Variants in PRTN3 observed in about 807,000 individuals in gnomAD.
PRTN3 encodes proteinase 3, also known as myeloblastin.
In PRTN3, 22 loss-of-function variants were observed where a neutral mutation model predicts 20.7. The ratio of observed to expected loss-of-function variants is 1.06; its 90% CI spans 0.76 to 1.52. The LOEUF is 1.52. Ranked by LOEUF, PRTN3 falls within the 40% of genes most tolerant of loss-of-function variation. The pLI is 0.00. For synonymous variants in PRTN3, 173 were observed against 152.9 expected, an observed-to-expected ratio of 1.13 and a Z score of -0.97; for missense variants, 378 against 359.6, an observed-to-expected ratio of 1.05 and a Z score of -0.41.
chr19:846,352 C>T lies in PRTN3; in HGVS notation c.575C>T (p.Pro192Leu). 4 of 1,566,002 alleles carry T rather than the reference C, an allele frequency of 2.6e-6. No individual in the cohort carries two copies. The highest frequency in any genetic ancestry group is 3.5e-6 in the Non-Finnish European group (4 of 1,156,482). ...CCACATAACATTTGCACTTTCGTCC[C>T]TCGCCGCAAGGCCGGCATCTGCTTC... ...CRPHNICTFV[P>L]RRKAGICFGD... is the part of the protein sequence containing the mutation. Residue 192 changes from proline to leucine, a missense_variant, in exon 4 of 5, where the codon CCT becomes CTT. By Grantham distance (98) the Pro-to-Leu change is moderately conservative. Transcript: ENST00000234347.
At chr19:846,477 T>C in intron 4 of PRTN3, 100 bp downstream of exon 4, 1 of 1,212,748 alleles carries the variant, frequency 8.2e-7, no homozygotes, top group Non-Finnish European at 1.1e-6. Context: ...GGCTTCATGC[T>C]GTGCCTCAGT....
intron 3 of PRTN3, 76 bp from the exon 4 acceptor site, chr19:846,071 G>C (rs2035512018): frequency 2.8e-5 from 32 of 1,132,948 alleles, no homozygotes; most frequent in Non-Finnish European, 3.8e-5. Flanking sequence ...GGTGTGGTGG[G>C]TGTGGTGGGA....
At chr19:843,440 G>T in intron 1 of PRTN3, 21 bp from the exon 2 acceptor site, 1 of 1,534,712 alleles carries the variant, frequency 6.5e-7, no homozygotes, top group Non-Finnish European at 8.7e-7. Flanking sequence ...GCTCCCTGAC[G>T]CCTGGACTCC....
At chr19:842,413 ATTTT>A (rs34047197) in intron 1 of PRTN3, among the ~76,000 whole-genome samples, 5 of 39,420 alleles carry the variant, frequency 1.3e-4, no homozygotes, top group East Asian at 7.0e-4. Context: ...TGCGCCCAGG[ATTTT>A]TTTTTTTTTT....
At chr19:843,842 G>A in intron 2 of PRTN3, 51 bp from the exon 3 acceptor site, 1 of 1,533,712 alleles carries the variant, frequency 6.5e-7, no homozygotes, top group Non-Finnish European at 8.8e-7. Flanking sequence ...GCCGGCTGTG[G>A]GCGGCGGCGA....
chr19:845,714 CA>C (rs35429597), intron 3 of PRTN3, among the ~76,000 whole-genome samples: 69,735 of 126,774 alleles, frequency 0.55, 17,186 homozygotes, highest in Middle Eastern at 0.6. Flanking sequence ...AACTCCATCT[CA>C]AAAAAAAAAA....
rs572376120 is a variant in PRTN3, at chr19:843,302, C to T, written c.62-159C>T. ...CTTTGGAAATCGTCGTAATTATAAC[C>T]CCCCCGGCCTGGGCGCTGAGTCCTT... On this transcript the variant is annotated intron_variant, in intron 1 of 4. Transcript: ENST00000234347. The T allele has an allele frequency of 4.0e-4, 274 of 687,758 alleles. No homozygotes were observed. In the African/African-American group the frequency reaches 4.7e-3, roughly 12 times the overall value. The allele number at this position is 687,758 out of a possible 1,614,324, so 42.6% of individuals were successfully genotyped here.
chr19:844,030 T>A lies in PRTN3; in HGVS notation c.365T>A (p.Ile122Asn). 1 of 1,602,178 alleles carries A rather than the reference T, an allele frequency of 6.2e-7. No homozygotes were observed. Among genetic ancestry groups the A allele is most frequent in the Non-Finnish European group, 8.5e-7 (1 of 1,174,928 alleles). The change falls in exon 3 of 5, where the codon ATC becomes AAC. Residue 122 changes from isoleucine (I) to asparagine (N), a missense_variant. Ile to Asn is a moderately radical substitution (Grantham distance 149). Coordinates refer to ENST00000234347, the MANE Select transcript of PRTN3 (RefSeq NM_002777.4). The part of the protein sequence containing the change: ...AENKLNDVLL[I>N]QLSSPANLSA... ...AACAAACTGAACGACGTTCTCCTCA[T>A]CCAGGTGGGCGGGCAGGGCCGCGAG...
At chr19:847,555 AAG>A (rs145629657) in intron 4 of PRTN3, among the ~76,000 whole-genome samples, 2,249 of 115,756 alleles carry the variant, frequency 0.019, 98 homozygotes, top group East Asian at 0.17. Flanking sequence ...AAGAAAAAGA[AAG>A]AGAGAGAGAG....
At position 843,632 on chromosome 19, in the gene PRTN3, C is replaced by A. The variant is rs1195006071; in HGVS notation, c.227+6C>A. On this transcript the variant is annotated splice_donor_region_variant and intron_variant, in intron 2 of 4. Transcript: ENST00000234347. ...GCGCACTGCCTGCGGGACATGTGAG[C>A]GGCCGCCTCCACACCCCTGTCCGCC... 6.5e-7 allele frequency: 1 copy of A among 1,541,910 alleles called. No homozygotes were observed. Among genetic ancestry groups the A allele is most frequent in the South Asian group, 1.2e-5 (1 of 80,756 alleles).
intron 2 of PRTN3, 102 bp downstream of exon 2, chr19:843,728 C>A: frequency 6.8e-7 from 1 of 1,468,940 alleles, no homozygotes; most frequent in Non-Finnish European, 9.0e-7. Flanking sequence ...AGCTAAGCCC[C>A]GTCTGCAGAC....
chr19:843,100 A>C (rs1047418972), intron 1 of PRTN3, among the ~76,000 whole-genome samples: 3 of 151,410 alleles, frequency 2.0e-5, no homozygotes, highest in Non-Finnish European at 2.9e-5. Context: ...TTTTTTGTAG[A>C]GATGGGGTCC....
Position 846,266 on chromosome 19 carries a change from C to A in PRTN3, c.489C>A (p.His163Gln). ...LAMGWGRVGAHDPPAQVLQEL... is the reference protein window; with the variant it reads ...LAMGWGRVGAQDPPAQVLQEL... ...TGGGCTGGGGCCGCGTGGGTGCCCA[C>A]GACCCCCCAGCCCAGGTCCTGCAGG... Residue 163 changes from histidine to glutamine, a missense_variant, in exon 4 of 5, where the codon CAC (histidine) becomes CAA (glutamine). By Grantham distance (24) the His-to-Gln change is conservative. Transcript: ENST00000234347. The A allele has an allele frequency of 1.3e-6, 2 of 1,575,044 alleles. No individual in the cohort carries two copies. The highest frequency in any genetic ancestry group is 2.4e-5 in the East Asian group (1 of 41,990).
At chr19:843,266 C>T (rs1488602406) in intron 1 of PRTN3, 195 bp from the exon 2 acceptor site, 2 of 589,664 alleles carry the variant, frequency 3.4e-6, no homozygotes, top group East Asian at 3.0e-5. Flanking sequence ...TGAAAGCTGC[C>T]ACCAGGGCGC....
intron 4 of PRTN3, among the ~76,000 whole-genome samples, chr19:847,519 AAAAGAG>A (rs1287724114): frequency 6.9e-6 from 1 of 144,054 alleles, no homozygotes; most frequent in Non-Finnish European, 1.5e-5. Flanking sequence ...GAAAGAAAGA[AAAAGAG>A]AGAAAGAAAG....
At chr19:842,940 G>T (rs1353850363) in intron 1 of PRTN3, among the ~76,000 whole-genome samples, 1 of 149,212 alleles carries the variant, frequency 6.7e-6, no homozygotes, top group African/African-American at 2.5e-5. Context: ...TTAGAGACAG[G>T]GTCTTGCTCT....
At position 843,729 on chromosome 19, in the gene PRTN3, G is replaced by A. The variant is rs913768644; in HGVS notation, c.227+103G>A. On this transcript the variant is annotated intron_variant, in intron 2 of 4. Transcript: ENST00000234347. ...CCCGGGGAGGACCCAGCTAAGCCCC[G>A]TCTGCAGACCCCAGGCCCCGCGCGC... The A allele has an allele frequency of 4.1e-6, 6 of 1,468,968 alleles. No homozygotes were observed. In the African/African-American group the frequency reaches 7.1e-5, roughly 17 times the overall value. 91.0% of individuals were successfully genotyped at this position (1,468,968 alleles called of 1,614,324 possible).
chr19:846,293 G>T lies in PRTN3; in HGVS notation c.516G>T (p.Glu172Asp). The T allele has an allele frequency of 2.5e-6, 4 of 1,593,450 alleles. No homozygotes were observed. Among genetic ancestry groups the T allele is most frequent in the Non-Finnish European group, 3.4e-6 (4 of 1,170,664 alleles). Residue 172 changes from glutamate (E) to aspartate (D), a missense_variant, in exon 4 of 5, where the codon GAG becomes GAT. Physicochemically the swap from Glu to Asp is conservative, Grantham distance 45. Coordinates refer to ENST00000234347, the MANE Select transcript of PRTN3 (RefSeq NM_002777.4). ...ACCCCCCAGCCCAGGTCCTGCAGGAGCTCAATGTCACCGTGGTCACCTTCT... is the reference window on the plus strand; with the variant it reads ...ACCCCCCAGCCCAGGTCCTGCAGGATCTCAATGTCACCGTGGTCACCTTCT... ...AHDPPAQVLQELNVTVVTFFC... is the reference protein window; with the variant it reads ...AHDPPAQVLQDLNVTVVTFFC...
Position 843,921 on chromosome 19 carries a change from G to C in PRTN3, c.256G>C (p.Gly86Arg). 1 of 1,597,332 alleles carries C rather than the reference G, an allele frequency of 6.3e-7. No individual in the cohort carries two copies. Among genetic ancestry groups the C allele is most frequent in the Non-Finnish European group, 8.5e-7 (1 of 1,173,014 alleles). The stretch of plus-strand genomic sequence containing the variant: ...CCAGCGCCTGGTGAACGTGGTGCTC[G>C]GAGCCCACAACGTGCGGACGCAGGA... ...IPQRLVNVVL[G>R]AHNVRTQEPT... The change falls in exon 3 of 5, where the codon GGA becomes CGA. Residue 86 changes from glycine (G) to arginine (R), a missense_variant. Gly to Arg is a moderately radical substitution (Grantham distance 125). Transcript: ENST00000234347.
Sources: gnomAD v4.1 joint callset for allele counts (sites outside exome capture counted in the v4.1 genomes callset) on GRCh38, gnomAD v4.1.1 for gene constraint, MANE v1.5 for transcripts, NCBI Gene and HGNC (gene_info 2026-07-23, HGNC 2026-07-21) for gene names.